Variants in TULP4 observed in about 807,000 individuals in gnomAD.
The protein encoded by TULP4 is tubby-related protein 4.
In TULP4, 16 loss-of-function variants were observed where a neutral mutation model predicts 129.0. The ratio of observed to expected loss-of-function variants is 0.12; its 90% CI spans 0.08 to 0.19. TULP4 has a LOEUF of 0.19. Among genes scored for constraint, TULP4 ranks in the 10% least tolerant of loss-of-function variants. The pLI, the probability that TULP4 is intolerant of heterozygous loss-of-function variation, is 1.00. For synonymous variants in TULP4, 998 were observed against 854.0 expected, an observed-to-expected ratio of 1.17 and a Z score of -2.94; for missense variants, 1,842 against 2,059.1, an observed-to-expected ratio of 0.89 and a Z score of 2.04.
chr6:158,299,158 T>C (rs1779092143), intron 1 of TULP4, among the ~76,000 whole-genome samples: 1 of 152,124 alleles, frequency 6.6e-6, no homozygotes, highest in Non-Finnish European at 1.5e-5. Flanking sequence ...GGTAATGCCC[T>C]TATCTTCCTG....
In TULP4 at chr6:158,510,661, T is replaced by C. The variant is rs969316412; in HGVS notation, c.*3967T>C. The C allele has an allele frequency of 2.1e-4, 32 of 152,268 alleles. No individual in the cohort carries two copies. Among genetic ancestry groups the C allele is most frequent in the African/African-American group, 6.8e-4 (28 of 41,474 alleles). 9.4% of individuals were successfully genotyped at this position (152,268 alleles called of 1,614,324 possible). The stretch of plus-strand genomic sequence containing the variant: ...CTCTAAATGTGTTTGGAATTGTGTT[T>C]GTTCTCATAGAATATACAAAAGTAC... On this transcript the variant is annotated 3_prime_UTR_variant, in exon 14 of 14. Transcript: ENST00000367097.
chr6:158,436,474 T>A (rs1778755261), intron 3 of TULP4, among the ~76,000 whole-genome samples: 1 of 152,238 alleles, frequency 6.6e-6, no homozygotes, highest in Non-Finnish European at 1.5e-5. Flanking sequence ...AGTGAGTTTT[T>A]GAAAACATGA....
At chr6:158,299,469 C>G (rs1347170157) in intron 1 of TULP4, among the ~76,000 whole-genome samples, 1 of 152,108 alleles carries the variant, frequency 6.6e-6, no homozygotes, top group Non-Finnish European at 1.5e-5. Context: ...TCTCCTATTA[C>G]TCCCCCTTTC....
intron 1 of TULP4, among the ~76,000 whole-genome samples, chr6:158,365,899 C>CTTTTTTTT (rs5881257): frequency 1.1e-3 from 62 of 57,546 alleles, no homozygotes; most frequent in East Asian, 4.2e-3. Flanking sequence ...CTTTTTCTTT[C>CTTTTTTTT]TTTTTTTTTT....
At chr6:158,296,727 G>A (rs1779040945) in intron 1 of TULP4, among the ~76,000 whole-genome samples, 3 of 152,108 alleles carry the variant, frequency 2.0e-5, no homozygotes, top group Admixed American at 2.0e-4. Flanking sequence ...TTACAGCTGG[G>A]CTGCCGGAGA....
intron 1 of TULP4, among the ~76,000 whole-genome samples, chr6:158,263,151 G>A (rs12216298): frequency 6.6e-6 from 1 of 152,038 alleles, no homozygotes; most frequent in African/African-American, 2.4e-5. Context: ...ACATAAGATC[G>A]TTTGTTTAGC....
intron 1 of TULP4, among the ~76,000 whole-genome samples, chr6:158,368,548 G>A (rs188630866): frequency 5.3e-5 from 8 of 152,118 alleles, no homozygotes; most frequent in African/African-American, 1.9e-4. Flanking sequence ...AGTGTTTCAC[G>A]GCATTTGTGA....
At position 158,429,790 on chromosome 6, in the gene TULP4, G is replaced by A; in HGVS notation, c.436G>A (p.Asp146Asn). The A allele has an allele frequency of 6.2e-7, 1 of 1,614,080 alleles. No individual in the cohort carries two copies. Among genetic ancestry groups the A allele is most frequent in the South Asian group, 1.1e-5 (1 of 91,058 alleles). ...DGTQALISYRDGFVLVGSVSG... is the reference protein window; with the variant it reads ...DGTQALISYRNGFVLVGSVSG... The stretch of plus-strand genomic sequence containing the variant: ...AACTCAAGCACTTATTTCCTATCGA[G>A]ATGGGTTTGTCCTGGTTGGGTCTGT... The change falls in exon 3 of 14, where the codon GAT becomes AAT. Residue 146 changes from aspartate (D) to asparagine (N), a missense_variant. Asp to Asn is a conservative substitution (Grantham distance 23). Transcript: ENST00000367097.
chr6:158,281,905 A>AT (rs1778760761), upstream of TULP4, among the ~76,000 whole-genome samples: 1 of 152,084 alleles, frequency 6.6e-6, no homozygotes, highest in African/African-American at 2.4e-5. Context: ...TGGGAAAAAC[A>AT]TTTTTCCTGG....
At chr6:158,367,270 C>G (rs1487767261) in intron 1 of TULP4, among the ~76,000 whole-genome samples, 2 of 152,134 alleles carry the variant, frequency 1.3e-5, no homozygotes, top group Non-Finnish European at 2.9e-5. Context: ...TATTGTTCAG[C>G]AAGCTATTTT....
In TULP4 at chr6:158,427,471, C is replaced by CTTTTTTTTTTTTTTTTTTTTTTT. The variant is rs557678837; in HGVS notation, c.382-2246_382-2224dup. Among the ~76,000 whole-genome samples the CTTTTTTTTTTTTTTTTTTTTTTT allele has an allele frequency of 1.3e-4, 10 of 74,136 alleles. 2 individuals carry two copies. Among genetic ancestry groups the CTTTTTTTTTTTTTTTTTTTTTTT allele is most frequent in the African/African-American group, 3.7e-4 (6 of 16,112 alleles). 48.6% of individuals were successfully genotyped at this position (74,136 alleles called of 152,430 possible). On this transcript the variant is annotated intron_variant, in intron 2 of 13. Coordinates refer to ENST00000367097, the MANE Select transcript of TULP4 (RefSeq NM_020245.5). The stretch of plus-strand genomic sequence containing the variant: ...AAATTCCTTTTCAAAATTATCAGAC[C>CTTTTTTTTTTTTTTTTTTTTTTT]TTTTTTTTTTTTTTTTTTTTTTTTT...
At chr6:158,311,611 A>G (rs117424796), upstream of TULP4, among the ~76,000 whole-genome samples, 4,808 of 152,244 alleles carry the variant, frequency 0.032, 99 homozygotes, top group Non-Finnish European at 0.041. Flanking sequence ...TCTTGAGGGA[A>G]TATCTTTTAT....
At chr6:158,473,340 C>G in intron 6 of TULP4, among the ~76,000 whole-genome samples, 1 of 152,132 alleles carries the variant, frequency 6.6e-6, no homozygotes, top group Non-Finnish European at 1.5e-5. Context: ...GTCTTGTCTG[C>G]TTACAAAATA....
intron 1 of TULP4, among the ~76,000 whole-genome samples, chr6:158,346,770 CT>C (rs1405194074): frequency 6.6e-6 from 1 of 151,658 alleles, no homozygotes; most frequent in East Asian, 1.9e-4. Flanking sequence ...TCTTCCTTTC[CT>C]TTCTTCCTTC....
chr6:158,356,810 A>T (rs932081344), intron 1 of TULP4, among the ~76,000 whole-genome samples: 1 of 151,356 alleles, frequency 6.6e-6, no homozygotes, highest in Non-Finnish European at 1.5e-5. Context: ...AGGCTGGTGT[A>T]AGGAGGAGCT....
intron 1 of TULP4, chr6:158,398,030 A>G (rs149708755): frequency 1.4e-4 from 21 of 152,216 alleles, no homozygotes; most frequent in African/African-American, 4.8e-4. Context: ...ATGGCCTCCT[A>G]TTTTTTCATA....
At chr6:158,300,345 C>G (rs1246223661) in intron 1 of TULP4, among the ~76,000 whole-genome samples, 1 of 152,176 alleles carries the variant, frequency 6.6e-6, no homozygotes, top group Admixed American at 6.5e-5. Context: ...CAGCTGCAGT[C>G]AGAGTATGTC....
rs756731872 is a variant in TULP4, at chr6:158,494,749, G to A, written c.1777-4G>A. The A allele has an allele frequency of 3.7e-6, 6 of 1,609,160 alleles. No homozygotes were observed. Among genetic ancestry groups the A allele is most frequent in the South Asian group, 2.2e-5 (2 of 89,936 alleles). On this transcript the variant is annotated splice_region_variant and splice_polypyrimidine_tract_variant and intron_variant, in intron 10 of 13. Coordinates refer to ENST00000367097, the MANE Select transcript of TULP4 (RefSeq NM_020245.5). ...TCTTCTTTTTTCTTTTCTTCCTACCGCAGCACAACTATCTTGCTCAGGTCA... is the reference window on the plus strand; with the variant it reads ...TCTTCTTTTTTCTTTTCTTCCTACCACAGCACAACTATCTTGCTCAGGTCA...
intron 5 of TULP4, among the ~76,000 whole-genome samples, chr6:158,455,661 C>T (rs1779276338): frequency 6.6e-6 from 1 of 151,186 alleles, no homozygotes; most frequent in African/African-American, 2.4e-5. Context: ...CACTTGAACC[C>T]GGGAGGCAGA....
Sources: gnomAD v4.1 joint callset for allele counts (sites outside exome capture counted in the v4.1 genomes callset) on GRCh38, gnomAD v4.1.1 for gene constraint, MANE v1.5 for transcripts, NCBI Gene and HGNC (gene_info 2026-07-23, HGNC 2026-07-21) for gene names.